The following NEK1 variants were observed in gnomAD, a reference collection of about 807,000 sequenced individuals.
NEK1 encodes the protein serine/threonine-protein kinase Nek1.
NEK1 carries 137 observed loss-of-function variants against 182.1 expected under a neutral mutation model. That is an observed-to-expected ratio of 0.75 (90% CI 0.65 to 0.87). NEK1 has a LOEUF of 0.87. NEK1 is among the 40% of genes least tolerant of loss of function. The pLI is 0.00. For synonymous variants in NEK1, 513 were observed against 492.2 expected, an observed-to-expected ratio of 1.04 and a Z score of -0.56; for missense variants, 1,391 against 1,494.4, an observed-to-expected ratio of 0.93 and a Z score of 1.14.
At chr4:169,397,214 GCC>G (rs1417606059) in intron 35 of NEK1, among the ~76,000 whole-genome samples, 6 of 146,416 alleles carry the variant, frequency 4.1e-5, no homozygotes, top group Non-Finnish European at 9.1e-5. Flanking sequence ...ACAGAGCAAG[GCC>G]CTGTCTCCAT....
intron 23 of NEK1, among the ~76,000 whole-genome samples, chr4:169,502,904 TA>T (rs1752638831): frequency 6.6e-6 from 1 of 151,976 alleles, no homozygotes; most frequent in Non-Finnish European, 1.5e-5. Flanking sequence ...GAGAAAAAAA[TA>T]AAAGACATCC....
intron 24 of NEK1, among the ~76,000 whole-genome samples, chr4:169,478,792 C>T (rs558857093): frequency 2.0e-5 from 3 of 152,258 alleles, no homozygotes; most frequent in African/African-American, 7.2e-5. Flanking sequence ...ACACTATGAG[C>T]CCACTTCTCT....
chr4:169,604,297 A>G (rs181775367), intron 2 of NEK1, among the ~76,000 whole-genome samples: 328 of 152,388 alleles, frequency 2.2e-3, no homozygotes, highest in Non-Finnish European at 3.6e-3. Flanking sequence ...TAATTTCAAA[A>G]GAGTGGTAGT....
chr4:169,424,804 T>G lies in NEK1; in HGVS notation c.2975-4A>C, dbSNP rs747236398. ...TGAGAATCATTGGTTCCAGGCTCTG[T>G]GGTAGAAAGGAGAGATTATGTGGTA... On this transcript the variant is annotated splice_polypyrimidine_tract_variant and splice_region_variant and intron_variant, in intron 30 of 35. Transcript: ENST00000507142. The G allele has an allele frequency of 1.2e-6, 2 of 1,600,592 alleles. No homozygotes were observed. Among genetic ancestry groups the G allele is most frequent in the Non-Finnish European group, 8.6e-7 (1 of 1,169,176 alleles).
At chr4:169,499,949 C>T (rs1051800807) in intron 23 of NEK1, among the ~76,000 whole-genome samples, 4 of 152,214 alleles carry the variant, frequency 2.6e-5, no homozygotes, top group African/African-American at 9.7e-5. Flanking sequence ...ACATTTAAGT[C>T]TGCAGAGGAT....
chr4:169,449,150 C>T (rs1318707767), intron 27 of NEK1, among the ~76,000 whole-genome samples: 2 of 152,204 alleles, frequency 1.3e-5, no homozygotes, highest in African/African-American at 4.8e-5. Context: ...CAAAGCTGCC[C>T]AGAAGTTCAA....
intron 23 of NEK1, among the ~76,000 whole-genome samples, chr4:169,493,979 G>A (rs901719967): frequency 6.6e-6 from 1 of 152,044 alleles, no homozygotes; most frequent in Non-Finnish European, 1.5e-5. Flanking sequence ...CATCACCAAG[G>A]CACACAGTCA....
chr4:169,608,102 GACACACACACACATAC>G (rs922266446), intron 2 of NEK1, among the ~76,000 whole-genome samples: 1 of 108,762 alleles, frequency 9.2e-6, no homozygotes, highest in Non-Finnish European at 1.9e-5. Context: ...TTAAAGTTCA[GACACACACACACATAC>G]ACACACACAC....
chr4:169,463,442 A>T, intron 26 of NEK1, 47 bp from the exon 27 acceptor site: 2 of 1,414,192 alleles, frequency 1.4e-6, no homozygotes, highest in Non-Finnish European at 1.9e-6. Context: ...ACAGTATAAT[A>T]ATACTGCATG....
intron 16 of NEK1, among the ~76,000 whole-genome samples, chr4:169,559,267 T>A (rs991742757): frequency 6.6e-6 from 1 of 152,128 alleles, no homozygotes; most frequent in African/African-American, 2.4e-5. Context: ...ATCACGGACT[T>A]GATAAAAAAA....
intron 2 of NEK1, among the ~76,000 whole-genome samples, chr4:169,609,549 G>C (rs923939035): frequency 6.6e-6 from 1 of 151,948 alleles, no homozygotes; most frequent in African/African-American, 2.4e-5. Context: ...CATTTGTTTA[G>C]TAAAAGGAAA....
chr4:169,476,404 C>T (rs1413784051), intron 26 of NEK1, among the ~76,000 whole-genome samples: 1 of 152,090 alleles, frequency 6.6e-6, no homozygotes, highest in Non-Finnish European at 1.5e-5. Flanking sequence ...GGAGGGACTA[C>T]ATTCTAAACA....
In NEK1 at chr4:169,561,531, C is replaced by G. The variant is rs1393440748; in HGVS notation, c.1215G>C (p.Arg405Ser). ...KERLERINRA[R>S]EQGWRNVLSA... ...TTAGCACATTTCTCCATCCTTGTTC[C>G]CTGGCCCTATTTATTCTTTCCAACT... Residue 405 changes from arginine to serine, a missense_variant, in exon 16 of 36, where the codon AGG becomes AGC. Coordinates refer to ENST00000507142, the MANE Select transcript of NEK1 (RefSeq NM_001199397.3). 3 of 1,613,428 alleles carry G rather than the reference C, an allele frequency of 1.9e-6. No homozygotes were observed. Among genetic ancestry groups the G allele is most frequent in the Non-Finnish European group, 2.5e-6 (3 of 1,179,630 alleles).
chr4:169,406,648 C>G lies in NEK1; in HGVS notation c.3322G>C (p.Asp1108His), dbSNP rs1561131184. ...GDVRQDNLEI[D>H]EIEDENIKEG... ...TTAATGTTTTCATCTTCAATTTCATCTATTTCAAGATTGTCTTGACGAACA... is the reference window on the plus strand; with the variant it reads ...TTAATGTTTTCATCTTCAATTTCATGTATTTCAAGATTGTCTTGACGAACA... Residue 1108 changes from aspartate (D) to histidine (H), a missense_variant, in exon 32 of 36, where the codon GAT becomes CAT. Coordinates refer to ENST00000507142, the MANE Select transcript of NEK1 (RefSeq NM_001199397.3). 4 of 1,608,312 alleles carry G rather than the reference C, an allele frequency of 2.5e-6. No individual in the cohort carries two copies. The East Asian group carries it at 9.0e-5, about 36-fold the overall frequency.
chr4:169,592,733 ATATT>A (rs943315190), intron 5 of NEK1, among the ~76,000 whole-genome samples: 3 of 151,720 alleles, frequency 2.0e-5, no homozygotes, highest in Non-Finnish European at 4.4e-5. Flanking sequence ...AGTTCTATAG[ATATT>A]TATTTAATGA....
At chr4:169,596,438 T>C (rs912412303) in intron 5 of NEK1, among the ~76,000 whole-genome samples, 1 of 152,190 alleles carries the variant, frequency 6.6e-6, no homozygotes, top group Non-Finnish European at 1.5e-5. Flanking sequence ...AAAAAACTCA[T>C]CCAAAACTTT....
chr4:169,585,616 G>A (rs2150071733), intron 9 of NEK1, 67 bp from the exon 10 acceptor site: 1 of 992,328 alleles, frequency 1.0e-6, no homozygotes, highest in Admixed American at 2.3e-5. Context: ...TATCGGTAAT[G>A]AGAAATAGTT....
chr4:169,587,576 A>G lies in NEK1; in HGVS notation c.589T>C (p.Cys197Arg), dbSNP rs781230720. 2 of 1,546,382 alleles carry G rather than the reference A, an allele frequency of 1.3e-6. No homozygotes were observed. Among genetic ancestry groups the G allele is most frequent in the East Asian group, 2.4e-5 (1 of 42,068 alleles). Reference protein sequence around the residue: ...WALGCVLYELCTLKHAFEAGS... With the variant: ...WALGCVLYELRTLKHAFEAGS... ...CTACTTACAGCATGTTTAAGTGTAC[A>G]CAGCTCATAAAGGACACACCCCAGA... The change falls in exon 9 of 36, where the codon TGT becomes CGT. Residue 197 changes from cysteine to arginine, a missense_variant. Coordinates refer to ENST00000507142, the MANE Select transcript of NEK1 (RefSeq NM_001199397.3).
intron 18 of NEK1, among the ~76,000 whole-genome samples, chr4:169,542,216 T>C (rs1160362288): frequency 6.6e-6 from 1 of 152,160 alleles, no homozygotes; most frequent in East Asian, 1.9e-4. Flanking sequence ...CGTGTGTCCA[T>C]GTGTTCTCAT....
Sources: allele counts gnomAD v4.1 joint callset (sites outside exome capture counted in the v4.1 genomes callset), GRCh38; gene constraint gnomAD v4.1.1; transcripts MANE v1.5; gene names NCBI Gene and HGNC (gene_info 2026-07-23, HGNC 2026-07-21).